TPD52L1: variants seen among roughly 807,000 people sequenced by gnomAD.
TPD52L1 encodes TPD52 like 1.
A neutral mutation model predicts 28.7 loss-of-function variants in TPD52L1; 18 were observed. The ratio of observed to expected loss-of-function variants is 0.63; its 90% CI spans 0.43 to 0.93. The LOEUF is 0.93. Ranked by LOEUF, TPD52L1 falls within the 40% of genes least tolerant of loss-of-function variation. The probability of loss-of-function intolerance (pLI) is 0.00; values close to 1 mark genes in which losing one functional copy is unlikely to be tolerated. For synonymous variants in TPD52L1, 75 were observed against 88.8 expected (o/e 0.84, Z 0.88); for missense variants, 203 against 254.8 (o/e 0.80, Z 1.39).
At chr6:125,169,865 C>T (rs551949065) in intron 1 of TPD52L1, among the ~76,000 whole-genome samples, 1 of 152,144 alleles carries the variant, frequency 6.6e-6, no homozygotes, top group East Asian at 1.9e-4. Flanking sequence ...AGGGCAAAGA[C>T]CTTACAGTGG....
chr6:125,228,195 G>A (rs1174763372), intron 2 of TPD52L1, among the ~76,000 whole-genome samples: 1 of 152,158 alleles, frequency 6.6e-6, no homozygotes, highest in Non-Finnish European at 1.5e-5. Flanking sequence ...GTCAGTGGCT[G>A]TCTGGTGAGA....
At chr6:125,221,269 G>A (rs1012204419) in intron 2 of TPD52L1, among the ~76,000 whole-genome samples, 1 of 152,140 alleles carries the variant, frequency 6.6e-6, no homozygotes, top group African/African-American at 2.4e-5. Flanking sequence ...TCTTTAGCTG[G>A]GTCTGTCTGT....
intron 1 of TPD52L1, among the ~76,000 whole-genome samples, chr6:125,176,138 T>G (rs903993109): frequency 6.6e-6 from 1 of 152,246 alleles, no homozygotes; most frequent in African/African-American, 2.4e-5. Context: ...TCAAATTATT[T>G]TAACCTGGCA....
intron 1 of TPD52L1, among the ~76,000 whole-genome samples, chr6:125,158,913 C>G (rs9491321): frequency 6.6e-6 from 1 of 152,132 alleles, no homozygotes; most frequent in African/African-American, 2.4e-5. Flanking sequence ...CAATAGCATG[C>G]TATCTAAGAA....
At chr6:125,202,270 A>C (rs1793840425) in intron 1 of TPD52L1, among the ~76,000 whole-genome samples, 1 of 152,204 alleles carries the variant, frequency 6.6e-6, no homozygotes, top group Non-Finnish European at 1.5e-5. Context: ...CTTTGTGTTC[A>C]TAGTGAATAT....
chr6:125,208,047 A>G (rs531938411), intron 1 of TPD52L1, among the ~76,000 whole-genome samples: 66 of 152,342 alleles, frequency 4.3e-4, no homozygotes, highest in Middle Eastern at 3.4e-3. Flanking sequence ...CTGCAGTGGT[A>G]GCAGCAGTTA....
chr6:125,157,402 A>G (rs554854966), intron 1 of TPD52L1, among the ~76,000 whole-genome samples: 5 of 152,380 alleles, frequency 3.3e-5, no homozygotes, highest in African/African-American at 1.2e-4. Context: ...TACTTCCAGC[A>G]AAACAAGAGG....
intron 1 of TPD52L1, among the ~76,000 whole-genome samples, chr6:125,192,537 G>A (rs897661066): frequency 6.6e-6 from 1 of 151,888 alleles, no homozygotes. Flanking sequence ...TTATCTGCCC[G>A]CAAGTCCTGA....
intron 1 of TPD52L1, among the ~76,000 whole-genome samples, chr6:125,213,205 G>A (rs752588821): frequency 6.6e-6 from 1 of 152,132 alleles, no homozygotes; most frequent in Non-Finnish European, 1.5e-5. Flanking sequence ...CCATTCCAAT[G>A]CAATTATTTT....
intron 1 of TPD52L1, among the ~76,000 whole-genome samples, chr6:125,175,205 G>A (rs1250636520): frequency 6.6e-6 from 1 of 152,050 alleles, no homozygotes; most frequent in East Asian, 1.9e-4. Flanking sequence ...AACAATGACT[G>A]TTCATGGAGA....
Position 125,248,353 on chromosome 6 carries a change from C to G in TPD52L1, c.356C>G (p.Thr119Arg). The G allele has an allele frequency of 6.2e-7, 1 of 1,614,096 alleles. No homozygotes were observed. The highest frequency in any genetic ancestry group is 2.2e-5 in the East Asian group (1 of 44,874). ...KATAAFSNVG[T>R]AISKKFGDMS... is the part of the protein sequence containing the mutation. The stretch of plus-strand genomic sequence containing the variant: ...ACTGCAGCTTTCAGCAACGTTGGAA[C>G]GGCCATCAGCAAGAAGTTCGGAGAC... Residue 119 changes from threonine (T) to arginine (R), a missense_variant, in exon 4 of 7, where the codon ACG becomes AGG. By Grantham distance (71) the Thr-to-Arg change is moderately conservative. Coordinates refer to ENST00000534000, the MANE Select transcript of TPD52L1 (RefSeq NM_003287.4).
chr6:125,156,678 A>T (rs1790159558), intron 1 of TPD52L1, among the ~76,000 whole-genome samples: 1 of 152,026 alleles, frequency 6.6e-6, no homozygotes, highest in African/African-American at 2.4e-5. Context: ...TTGAGGTGGG[A>T]GGATCACCTG....
chr6:125,233,256 G>T (rs1390655813), intron 3 of TPD52L1, among the ~76,000 whole-genome samples: 1 of 152,126 alleles, frequency 6.6e-6, no homozygotes, highest in African/African-American at 2.4e-5. Flanking sequence ...AGGACGAAAA[G>T]CCTCACATTC....
At chr6:125,201,141 T>A (rs1489917984) in intron 1 of TPD52L1, among the ~76,000 whole-genome samples, 5 of 152,182 alleles carry the variant, frequency 3.3e-5, no homozygotes, top group African/African-American at 1.2e-4. Flanking sequence ...AGGAAGTCAA[T>A]CTATAGCAAG....
intron 1 of TPD52L1, among the ~76,000 whole-genome samples, chr6:125,189,613 T>C (rs1792896149): frequency 6.6e-6 from 1 of 152,212 alleles, no homozygotes; most frequent in African/African-American, 2.4e-5. Context: ...TTTTTCTGAA[T>C]GATTAACATT....
intron 1 of TPD52L1, among the ~76,000 whole-genome samples, chr6:125,211,710 G>A (rs1794527457): frequency 6.6e-6 from 1 of 152,070 alleles, no homozygotes; most frequent in Non-Finnish European, 1.5e-5. Context: ...TAGGATTTGG[G>A]GATATACATC....
At chr6:125,166,112 C>G (rs534512132) in intron 1 of TPD52L1, among the ~76,000 whole-genome samples, 2 of 152,140 alleles carry the variant, frequency 1.3e-5, no homozygotes, top group African/African-American at 4.8e-5. Flanking sequence ...ATTCATTTAA[C>G]CATCTCCCAA....
chr6:125,191,599 G>A (rs1292574819), intron 1 of TPD52L1, among the ~76,000 whole-genome samples: 1 of 152,134 alleles, frequency 6.6e-6, no homozygotes. Context: ...TACTTGGCTG[G>A]CTATCCTGGC....
chr6:125,206,230 G>A (rs528067273), intron 1 of TPD52L1, among the ~76,000 whole-genome samples: 33 of 152,194 alleles, frequency 2.2e-4, no homozygotes, highest in African/African-American at 7.9e-4. Flanking sequence ...ATGTTTAGAG[G>A]ACGATGTCTG....
Sources: gnomAD v4.1 joint callset for allele counts (sites outside exome capture counted in the v4.1 genomes callset) on GRCh38, gnomAD v4.1.1 for gene constraint, MANE v1.5 for transcripts, NCBI Gene and HGNC (gene_info 2026-07-23, HGNC 2026-07-21) for gene names.